Variants in CTNND1 observed in about 807,000 individuals in gnomAD.
CTNND1 encodes the protein catenin delta 1.
Under a neutral mutation model 112.1 loss-of-function variants are expected in CTNND1, and 16 were observed. The observed-to-expected ratio is 0.14, with a 90% CI of 0.10 to 0.22. The LOEUF (loss-of-function observed/expected upper bound fraction) is 0.22, where lower values mean the gene tolerates loss of function less well. Among genes scored for constraint, CTNND1 ranks in the 10% least tolerant of loss-of-function variants. The pLI, the probability that CTNND1 is intolerant of heterozygous loss-of-function variation, is 1.00. For synonymous variants in CTNND1, 420 were observed against 446.5 expected (o/e 0.94, Z 0.75); for missense variants, 1,008 against 1,257.0 (o/e 0.80, Z 3.00).
chr11:57,795,004 GC>G (rs1443126827), intron 4 of CTNND1, among the ~76,000 whole-genome samples: 2 of 151,972 alleles, frequency 1.3e-5, no homozygotes, highest in East Asian at 3.9e-4. Flanking sequence ...TTCAAGACCA[GC>G]CTGGGCAACA....
chr11:57,769,357 G>A (rs1951987396), intron 1 of CTNND1, among the ~76,000 whole-genome samples: 1 of 151,670 alleles, frequency 6.6e-6, no homozygotes, highest in Admixed American at 6.6e-5. Context: ...GTCTTGGTAT[G>A]TTGCCCTGTC....
At chr11:57,767,992 C>T (rs1425806616) in intron 1 of CTNND1, among the ~76,000 whole-genome samples, 2 of 151,970 alleles carry the variant, frequency 1.3e-5, no homozygotes, top group African/African-American at 2.4e-5. Flanking sequence ...CGCCACCACG[C>T]CCGGCTGATT....
chr11:57,772,826 C>CCT (rs1241074834), intron 1 of CTNND1, among the ~76,000 whole-genome samples: 3 of 151,306 alleles, frequency 2.0e-5, no homozygotes, highest in East Asian at 1.9e-4. Context: ...CGCTCTGTCT[C>CCT]CTCTCTCTCT....
intron 17 of CTNND1, among the ~76,000 whole-genome samples, chr11:57,812,384 G>A (rs1222019750): frequency 6.6e-6 from 1 of 152,118 alleles, no homozygotes; most frequent in African/African-American, 2.4e-5. Context: ...GCTGGGTGTG[G>A]TGGCAGACGC....
chr11:57,773,431 C>T (rs1372864715), intron 1 of CTNND1, among the ~76,000 whole-genome samples: 2 of 151,482 alleles, frequency 1.3e-5, no homozygotes, highest in Non-Finnish European at 2.9e-5. Flanking sequence ...CTGTGGCCAG[C>T]CTGAGAGTAC....
intron 16 of CTNND1, among the ~76,000 whole-genome samples, chr11:57,810,732 A>G (rs913382435): frequency 6.6e-6 from 1 of 151,980 alleles, no homozygotes; most frequent in African/African-American, 2.4e-5. Flanking sequence ...AGGCAGGTGG[A>G]TTGCCTGAGC....
At chr11:57,816,183 C>A in intron 20 of CTNND1, 114 bp from the exon 21 acceptor site, 1 of 1,365,498 alleles carries the variant, frequency 7.3e-7, no homozygotes, top group Non-Finnish European at 1.0e-6. Context: ...AGCTGGTGAT[C>A]TGATTCTCCG....
chr11:57,816,001 G>T lies in CTNND1; in HGVS notation c.2895G>T (p.Met965Ile). 1 of 1,576,436 alleles carries T rather than the reference G, an allele frequency of 6.3e-7. No individual in the cohort carries two copies. The highest frequency in any genetic ancestry group is 8.6e-7 in the Non-Finnish European group (1 of 1,167,772). ...GGGGCCAAGTGTCTTACCCCTCCAT[G>T]GTATGTCCTTCAGTCACCCCCAAGA... ...DEGGQVSYPSMQKI is the reference protein window; with the variant it reads ...DEGGQVSYPSIQKI Residue 965 changes from methionine (M) to isoleucine (I), a missense_variant and splice_region_variant, in exon 20 of 21, where the codon ATG (methionine) becomes ATT (isoleucine). This residue lies in a region of CTNND1 where 106 missense variants were observed against 116.2 expected (regional missense o/e 0.91). Transcript: ENST00000399050.
At chr11:57,808,070 A>G in intron 12 of CTNND1, 95 bp from the exon 13 acceptor site, 2 of 1,357,932 alleles carry the variant, frequency 1.5e-6, no homozygotes, top group Non-Finnish European at 2.0e-6. Context: ...GCATAAATCC[A>G]TCAACTGAGA....
chr11:57,783,447 C>A lies in CTNND1; in HGVS notation c.-213-5590C>A, dbSNP rs112893917. Among the ~76,000 whole-genome samples the A allele has an allele frequency of 6.9e-3, 1,043 of 152,240 alleles. 6 individuals are homozygous for A. The highest frequency in any genetic ancestry group is 0.012 in the Non-Finnish European group (785 of 68,012). On this transcript the variant is annotated intron_variant, in intron 1 of 20. Transcript: ENST00000399050. ...GGCCGCGGCGGGTGGATCACGAGGTCAGGAGATCGAGACCATCCTGGCTAA... is the reference window on the plus strand; with the variant it reads ...GGCCGCGGCGGGTGGATCACGAGGTAAGGAGATCGAGACCATCCTGGCTAA...
chr11:57,770,361 T>G (rs1418566935), intron 1 of CTNND1, among the ~76,000 whole-genome samples: 1 of 148,664 alleles, frequency 6.7e-6, no homozygotes, highest in Admixed American at 6.7e-5. Flanking sequence ...AAAAGAAAGA[T>G]TTTTGTTACA....
chr11:57,817,092 A>T lies in CTNND1; in HGVS notation c.*784A>T, dbSNP rs1353262782. ...TGCTGAGTTGGCCTGGCCATTTCCAAGAGGCTGTAGAAAGGGGAGAATGTC... is the reference window on the plus strand; with the variant it reads ...TGCTGAGTTGGCCTGGCCATTTCCATGAGGCTGTAGAAAGGGGAGAATGTC... On this transcript the variant is annotated 3_prime_UTR_variant, in exon 21 of 21. Coordinates refer to ENST00000399050, the MANE Select transcript of CTNND1 (RefSeq NM_001085458.2). 1 of 152,898 alleles carries T rather than the reference A, an allele frequency of 6.5e-6. No individual in the cohort carries two copies. Among genetic ancestry groups the T allele is most frequent in the Non-Finnish European group, 1.5e-5 (1 of 68,264 alleles). The allele number at this position is 152,898 out of a possible 1,614,324, so 9.5% of individuals were successfully genotyped here.
rs181087650 is a variant in CTNND1 at position 57,786,994 on chromosome 11, T to C, written c.-213-2043T>C. Among the ~76,000 whole-genome samples, 126 of 152,312 alleles carry C rather than the reference T, an allele frequency of 8.3e-4. 3 individuals are homozygous for C. The East Asian group carries it at 0.018, about 22-fold the overall frequency. On this transcript the variant is annotated intron_variant, in intron 1 of 20. Transcript: ENST00000399050. Reference sequence around the variant, plus strand: ...AGAGAACACAGGCTTTGGAATGGCATAGACCTGGGTTTAAATTCAAAATTT... The same window carrying C: ...AGAGAACACAGGCTTTGGAATGGCACAGACCTGGGTTTAAATTCAAAATTT...
intron 1 of CTNND1, among the ~76,000 whole-genome samples, chr11:57,783,486 C>T (rs1048201725): frequency 6.6e-6 from 1 of 151,776 alleles, no homozygotes; most frequent in Non-Finnish European, 1.5e-5. Flanking sequence ...GGTGAAACCC[C>T]GTCTCTACTA....
At chr11:57,785,798 C>T (rs776624630) in intron 1 of CTNND1, among the ~76,000 whole-genome samples, 3 of 151,966 alleles carry the variant, frequency 2.0e-5, no homozygotes, top group African/African-American at 4.8e-5. Flanking sequence ...CCGCTCACCT[C>T]GGCCTCCCAA....
chr11:57,766,525 T>C (rs1268434525), intron 1 of CTNND1, among the ~76,000 whole-genome samples: 2 of 152,200 alleles, frequency 1.3e-5, no homozygotes, highest in African/African-American at 2.4e-5. Context: ...TAAGTACAAA[T>C]ATTCTTTCAT....
At position 57,762,053 on chromosome 11, in the gene CTNND1, G is replaced by A. The variant is rs1193340413; in HGVS notation, c.-280G>A. ...TTAGAACTCCACATTTGAGGTGTGT[G>A]GCTTTTGAAGAAAATGTATGTACTG... On this transcript the variant is annotated 5_prime_UTR_variant, in exon 1 of 21. Coordinates refer to ENST00000399050, the MANE Select transcript of CTNND1 (RefSeq NM_001085458.2). 3 of 985,332 alleles carry A rather than the reference G, an allele frequency of 3.0e-6. No individual in the cohort carries two copies. Among genetic ancestry groups the A allele is most frequent in the African/African-American group, 1.7e-5 (1 of 57,232 alleles). 61.0% of individuals were successfully genotyped at this position (985,332 alleles called of 1,614,324 possible).
rs147066613 is a variant in CTNND1, at chr11:57,778,676, C to T, written c.-213-10361C>T. On this transcript the variant is annotated intron_variant, in intron 1 of 20. Coordinates refer to ENST00000399050, the MANE Select transcript of CTNND1 (RefSeq NM_001085458.2). ...GCCCGTGATTGGTAGACAGGATGCC[C>T]TGGAATGCAGTTGGCCTGCAGCCCA... Among the ~76,000 whole-genome samples, 5 of 152,316 alleles carry T rather than the reference C, an allele frequency of 3.3e-5. No homozygotes were observed. In the East Asian group the frequency reaches 9.6e-4, roughly 29 times the overall value.
chr11:57,789,267 C>A (rs1388944963), intron 2 of CTNND1, 112 bp downstream of exon 2: 2 of 684,428 alleles, frequency 2.9e-6, no homozygotes, highest in Non-Finnish European at 4.6e-6. Context: ...TACCTTTTTT[C>A]TTTATGGGTT....
Sources: gnomAD v4.1 joint callset for allele counts (sites outside exome capture counted in the v4.1 genomes callset) on GRCh38, gnomAD v4.1.1 for gene constraint, gnomAD v4.1.1 regional missense constraint, MANE v1.5 for transcripts, NCBI Gene and HGNC (gene_info 2026-07-23, HGNC 2026-07-21) for gene names.